SLCO1A2: variants seen among roughly 807,000 people sequenced by gnomAD.
SLCO1A2 encodes OATP-1.
Under a neutral mutation model 69.0 loss-of-function variants are expected in SLCO1A2, and 67 were observed. The observed-to-expected ratio is 0.97, with a 90% CI of 0.80 to 1.19. The LOEUF (loss-of-function observed/expected upper bound fraction) is 1.19. SLCO1A2 is among the 50% of genes most tolerant of loss of function. The pLI is 0.00. For synonymous variants in SLCO1A2, 260 were observed against 265.9 expected (o/e 0.98, Z 0.22); for missense variants, 787 against 793.7 (o/e 0.99, Z 0.10).
upstream of SLCO1A2, among the ~76,000 whole-genome samples, chr12:21,398,101 G>T (rs1375465291): frequency 7.1e-6 from 1 of 140,598 alleles, no homozygotes; most frequent in Non-Finnish European, 1.6e-5. Flanking sequence ...TTTTTGAAAG[G>T]ATCAACAAAA....
intron 1 of SLCO1A2, among the ~76,000 whole-genome samples, chr12:21,405,273 T>C (rs1283244545): frequency 6.6e-6 from 1 of 152,294 alleles, no homozygotes; most frequent in South Asian, 2.1e-4. Flanking sequence ...CAATTTCTTA[T>C]GACATTTTAA....
intron 2 of SLCO1A2, among the ~76,000 whole-genome samples, chr12:21,322,163 G>A (rs1951713942): frequency 6.6e-6 from 1 of 152,152 alleles, no homozygotes; most frequent in Admixed American, 6.5e-5. Context: ...AAGCCGAGTG[G>A]CTTATAAACA....
chr12:21,388,603 T>C (rs1393668359), intron 1 of SLCO1A2, among the ~76,000 whole-genome samples: 2 of 152,162 alleles, frequency 1.3e-5, no homozygotes, highest in Non-Finnish European at 2.9e-5. Flanking sequence ...TATTTATAAA[T>C]TGCCCAGTCT....
rs1214119206 is a variant in SLCO1A2 at position 21,407,803 on chromosome 12, A to G, written c.-312+10079T>C. Among the ~76,000 whole-genome samples, 3 of 123,976 alleles carry G rather than the reference A, an allele frequency of 2.4e-5. No homozygotes were observed. The East Asian group carries it at 7.1e-4, about 29-fold the overall frequency. The allele number at this position is 123,976 out of a possible 152,430, so 81.3% of individuals were successfully genotyped here. On this transcript the variant is annotated intron_variant, in intron 1 of 4. Transcript: ENST00000413682. ...ACCTGGGTGACAGAGACCCTGTCTAATGAAAATAAAAATAAATGAAAAAAA... is the reference window on the plus strand; with the variant it reads ...ACCTGGGTGACAGAGACCCTGTCTAGTGAAAATAAAAATAAATGAAAAAAA...
chr12:21,372,713 A>G lies in SLCO1A2; in HGVS notation c.-63+1686T>C, dbSNP rs149643517. On this transcript the variant is annotated intron_variant, in intron 2 of 15. Transcript: ENST00000307378. ...GACACACCATTAACTGCACAAGGAC[A>G]CTGTGTATTTGCTACGTTAATATTT... Among the ~76,000 whole-genome samples, 330 of 152,366 alleles carry G rather than the reference A, an allele frequency of 2.2e-3. 2 individuals are homozygous for G. The highest frequency in any genetic ancestry group is 7.4e-3 in the African/African-American group (309 of 41,588).
At chr12:21,349,891 C>T (rs917363926) in intron 2 of SLCO1A2, among the ~76,000 whole-genome samples, 1 of 152,130 alleles carries the variant, frequency 6.6e-6, no homozygotes, top group East Asian at 1.9e-4. Context: ...CCTTTAATTG[C>T]TACTTGTTTA....
rs1941883016 is a variant in SLCO1A2 at position 21,264,643 on chromosome 12, T to G, written c.*4905A>C. 1 of 152,192 alleles carries G rather than the reference T, an allele frequency of 6.6e-6. No homozygotes were observed. The highest frequency in any genetic ancestry group is 1.5e-5 in the Non-Finnish European group (1 of 68,028). The allele number at this position is 152,192 out of a possible 1,614,324, so 9.4% of individuals were successfully genotyped here. A position where few individuals can be genotyped will look rare whatever the true frequency, so the allele number is the denominator to read the frequency against. ...TTATTTGCAATTTTTTTTGTTCATT[T>G]GTTAAGTAACATCATTCCTTAAATA... On this transcript the variant is annotated 3_prime_UTR_variant, in exon 15 of 15. Transcript: ENST00000683939.
upstream of SLCO1A2, among the ~76,000 whole-genome samples, chr12:21,338,732 A>G (rs1386032613): frequency 6.6e-6 from 1 of 151,876 alleles, no homozygotes; most frequent in Non-Finnish European, 1.5e-5. Context: ...AAGTACAAAC[A>G]TATGTATTTC....
intron 1 of SLCO1A2, among the ~76,000 whole-genome samples, chr12:21,401,752 A>C (rs904729261): frequency 6.6e-6 from 1 of 151,904 alleles, no homozygotes; most frequent in African/African-American, 2.4e-5. Context: ...TAGGATACTA[A>C]AGCCTTCTGT....
At chr12:21,285,774 T>C (rs1029614758) in intron 12 of SLCO1A2, among the ~76,000 whole-genome samples, 1 of 151,442 alleles carries the variant, frequency 6.6e-6, no homozygotes, top group Non-Finnish European at 1.5e-5. Context: ...ATTATCTCAA[T>C]AGATGCAGAA....
In SLCO1A2 at chr12:21,299,837, TGTGTATATATATAC is replaced by T. The variant is rs1358758390; in HGVS notation, c.910+497_910+510del. Among the ~76,000 whole-genome samples the T allele has an allele frequency of 8.3e-5, 12 of 144,372 alleles. No individual in the cohort carries two copies. In the South Asian group the frequency reaches 2.2e-3, roughly 26 times the overall value. The allele number at this position is 144,372 out of a possible 152,430, so 94.7% of individuals were successfully genotyped here. ...ACACACACATATACACACACATATA[TGTGTATATATATAC>T]GTGTATATATATATACGTGTGTGTA... On this transcript the variant is annotated intron_variant, in intron 8 of 14. Coordinates refer to ENST00000683939, the MANE Select transcript of SLCO1A2 (RefSeq NM_001386879.1).
intron 1 of SLCO1A2, chr12:21,378,306 T>A: frequency 3.7e-6 from 6 of 1,614,194 alleles, no homozygotes; most frequent in Non-Finnish European, 5.1e-6. Context: ...ATTTTTTAGT[T>A]CATTCCAGCA....
intron 2 of SLCO1A2, among the ~76,000 whole-genome samples, chr12:21,325,192 A>G (rs1371923337): frequency 6.6e-6 from 1 of 152,126 alleles, no homozygotes; most frequent in African/African-American, 2.4e-5. Flanking sequence ...ACTAGTTTCC[A>G]TTTAGTGTGT....
intron 2 of SLCO1A2, among the ~76,000 whole-genome samples, chr12:21,343,421 C>G (rs988946845): frequency 1.3e-5 from 2 of 152,088 alleles, no homozygotes; most frequent in Non-Finnish European, 2.9e-5. Context: ...TCTGGCTCTT[C>G]ATGTACAAAA....
intron 1 of SLCO1A2, among the ~76,000 whole-genome samples, chr12:21,401,473 A>C (rs1941702443): frequency 6.6e-6 from 1 of 151,922 alleles, no homozygotes; most frequent in Non-Finnish European, 1.5e-5. Flanking sequence ...AAAAATTATC[A>C]TGCTTACTGG....
intron 14 of SLCO1A2, among the ~76,000 whole-genome samples, chr12:21,271,659 GTATA>G (rs1238463075): frequency 8.3e-6 from 1 of 120,346 alleles, no homozygotes; most frequent in African/African-American, 2.6e-5. Context: ...ATACATATGT[GTATA>G]TAAACATATA....
At chr12:21,392,715 C>T (rs2137159006) in intron 1 of SLCO1A2, among the ~76,000 whole-genome samples, 1 of 152,272 alleles carries the variant, frequency 6.6e-6, no homozygotes, top group Middle Eastern at 3.4e-3. Context: ...ATTTCTTTTA[C>T]AAGTTCCCTA....
chr12:21,366,082 A>G (rs1435676576), intron 2 of SLCO1A2, among the ~76,000 whole-genome samples: 4 of 152,212 alleles, frequency 2.6e-5, no homozygotes, highest in Non-Finnish European at 5.9e-5. Flanking sequence ...TCATGCTGCT[A>G]TAAAGACACA....
rs773723242 is a variant in SLCO1A2, at chr12:21,294,080, G to A, written c.1302C>T (p.Asp434=). 5.0e-6 allele frequency: 8 copies of A among 1,603,412 alleles called. No homozygotes were observed. Among genetic ancestry groups the A allele is most frequent in the South Asian group, 1.1e-5 (1 of 89,186 alleles). ...AATCCACATTGCAATCAGCAAAGAT[G>A]TCATTTTCCACATATAAATCTTGTG... ...GIPQDLYVEN[D]IFADCNVDCN... The change falls in exon 11 of 15, where the codon GAC becomes GAT. Residue 434 remains aspartate, a synonymous_variant. Transcript: ENST00000683939.
Sources: allele counts gnomAD v4.1 joint callset (sites outside exome capture counted in the v4.1 genomes callset), GRCh38; gene constraint gnomAD v4.1.1; transcripts MANE v1.5; gene names NCBI Gene and HGNC (gene_info 2026-07-23, HGNC 2026-07-21).